The following RBFOX1 variants were observed in gnomAD, a reference collection of about 807,000 sequenced individuals.
The protein encoded by RBFOX1 is RNA binding fox-1 homolog 1, also known as RNA binding protein fox-1 homolog 1.
In RBFOX1, 8 loss-of-function variants were observed where a neutral mutation model predicts 57.7. The observed-to-expected ratio is 0.14, with a 90% CI of 0.08 to 0.25. The LOEUF (loss-of-function observed/expected upper bound fraction) is 0.25, where lower values mean the gene tolerates loss of function less well. Ranked by LOEUF, RBFOX1 falls within the 10% of genes least tolerant of loss-of-function variation. RBFOX1 has a pLI of 1.00. For synonymous variants in RBFOX1, 326 were observed against 222.4 expected, an observed-to-expected ratio of 1.47 and a Z score of -4.15; for missense variants, 611 against 548.5, an observed-to-expected ratio of 1.11 and a Z score of -1.14.
intron 2 of RBFOX1, among the ~76,000 whole-genome samples, chr16:6,531,835 A>G (rs1250076695): frequency 6.6e-6 from 1 of 152,240 alleles, no homozygotes; most frequent in East Asian, 1.9e-4. Flanking sequence ...AGTTAATTAC[A>G]GGGACAGTCT....
At chr16:7,638,794 C>T (rs1199190263) in intron 11 of RBFOX1, among the ~76,000 whole-genome samples, 2 of 152,018 alleles carry the variant, frequency 1.3e-5, no homozygotes, top group African/African-American at 2.4e-5. Context: ...ACTTTATTTA[C>T]AAAAATGGTC....
intron 3 of RBFOX1, among the ~76,000 whole-genome samples, chr16:6,948,358 C>G (rs1290016911): frequency 7.3e-6 from 1 of 136,764 alleles, no homozygotes; most frequent in Non-Finnish European, 1.6e-5. Context: ...GCTACATGTC[C>G]TTTTCTTTCT....
chr16:5,330,128 A>G (rs1596539669), intron 1 of RBFOX1, among the ~76,000 whole-genome samples: 1 of 152,164 alleles, frequency 6.6e-6, no homozygotes, highest in Admixed American at 6.5e-5. Flanking sequence ...ATTATTTCCT[A>G]GGGGCCACAC....
In RBFOX1 at chr16:6,212,268, G is replaced by C. The variant is rs552306194; in HGVS notation, c.-126-104727G>C. ...AGTTGTATAATAGTATATATACTAT[G>C]ATTACTTTTATGTAAAAGAATTGTA... is the stretch of plus-strand genomic sequence containing the variant. On this transcript the variant is annotated intron_variant, in intron 1 of 15. Transcript: ENST00000550418. 4.5e-3 allele frequency among the ~76,000 whole-genome samples: 680 copies of C among 152,212 alleles called. 3 individuals carry two copies. The highest frequency in any genetic ancestry group is 7.2e-3 in the Non-Finnish European group (492 of 68,008).
intron 3 of RBFOX1, among the ~76,000 whole-genome samples, chr16:6,850,789 C>G (rs1012030946): frequency 2.0e-5 from 3 of 152,150 alleles, no homozygotes; most frequent in Non-Finnish European, 2.9e-5. Context: ...TGTCAAATGA[C>G]TTAATCACTT....
At chr16:6,924,724 A>G (rs2075204365) in intron 3 of RBFOX1, among the ~76,000 whole-genome samples, 1 of 151,682 alleles carries the variant, frequency 6.6e-6, no homozygotes, top group Admixed American at 6.6e-5. Context: ...GTACATGTGC[A>G]CAACGTGCAG....
chr16:5,463,733 G>A (rs903644849), intron 1 of RBFOX1, among the ~76,000 whole-genome samples: 2 of 151,432 alleles, frequency 1.3e-5, no homozygotes, highest in African/African-American at 4.9e-5. Flanking sequence ...CCAGGAGATG[G>A]AGGTTGCAGT....
intron 2 of RBFOX1, among the ~76,000 whole-genome samples, chr16:5,506,877 C>T (rs764681275): frequency 6.6e-6 from 1 of 152,140 alleles, no homozygotes; most frequent in Non-Finnish European, 1.5e-5. Flanking sequence ...TTTTGATACC[C>T]TCCATTTGCA....
At chr16:6,950,815 A>C (rs1263804119) in intron 3 of RBFOX1, among the ~76,000 whole-genome samples, 3 of 152,046 alleles carry the variant, frequency 2.0e-5, no homozygotes, top group Non-Finnish European at 4.4e-5. Context: ...ATGCTAAAGG[A>C]CTACATTTCC....
chr16:7,234,010 A>G (rs374244308), intron 4 of RBFOX1, among the ~76,000 whole-genome samples: 4 of 152,326 alleles, frequency 2.6e-5, no homozygotes, highest in African/African-American at 9.6e-5. Context: ...TTTCATTTTC[A>G]GCAAAACTGA....
chr16:6,900,181 G>A lies in RBFOX1; in HGVS notation c.-15-151876G>A, dbSNP rs980974754. On this transcript the variant is annotated intron_variant, in intron 3 of 15. Coordinates refer to ENST00000550418, the MANE Select transcript of RBFOX1 (RefSeq NM_018723.4). ...GGTATTGTTCATGTTCTTATGCTGAGCCTGTGTGGTGAATTGGAATGTATC... is the reference window on the plus strand; with the variant it reads ...GGTATTGTTCATGTTCTTATGCTGAACCTGTGTGGTGAATTGGAATGTATC... Among the ~76,000 whole-genome samples, 8 of 152,246 alleles carry A rather than the reference G, an allele frequency of 5.3e-5. No homozygotes were observed. In the East Asian group the frequency reaches 1.5e-3, roughly 29 times the overall value.
intron 4 of RBFOX1, among the ~76,000 whole-genome samples, chr16:5,923,599 T>C (rs750459527): frequency 2.1e-5 from 3 of 144,308 alleles, no homozygotes; most frequent in Non-Finnish European, 4.5e-5. Context: ...TCGAATGCAG[T>C]GGTGCGATCT....
chr16:7,710,951 A>G lies in RBFOX1; in HGVS notation c.*206A>G, dbSNP rs1177786571. 1.7e-6 allele frequency: 1 copy of G among 587,380 alleles called. No homozygotes were observed. Among genetic ancestry groups the G allele is most frequent in the Admixed American group, 4.3e-5 (1 of 23,506 alleles). The allele number at this position is 587,380 out of a possible 1,614,324, so 36.4% of individuals were successfully genotyped here. ...TAATATTGTGGGTCTTTAATTTCTG[A>G]AGGTTCCGTAGTTTGGTTGCTGGCT... On this transcript the variant is annotated 3_prime_UTR_variant, in exon 16 of 16. Coordinates refer to ENST00000550418, the MANE Select transcript of RBFOX1 (RefSeq NM_018723.4).
chr16:6,956,054 G>T (rs983846615), intron 3 of RBFOX1, among the ~76,000 whole-genome samples: 2 of 152,226 alleles, frequency 1.3e-5, no homozygotes, highest in East Asian at 3.9e-4. Flanking sequence ...GATTAAGTGA[G>T]TTATCTTCCC....
chr16:5,403,538 G>A (rs1477513627), intron 1 of RBFOX1, among the ~76,000 whole-genome samples: 2 of 152,032 alleles, frequency 1.3e-5, no homozygotes, highest in Non-Finnish European at 2.9e-5. Flanking sequence ...CCTCTTTCTG[G>A]GGTTTAAGGA....
At chr16:5,299,095 T>C (rs1212671651) in intron 1 of RBFOX1, among the ~76,000 whole-genome samples, 2 of 150,972 alleles carry the variant, frequency 1.3e-5, no homozygotes, top group East Asian at 1.9e-4. Flanking sequence ...CCCTGTCGCC[T>C]TCCAGGGGCA....
chr16:7,176,214 A>G (rs542759834), intron 4 of RBFOX1, among the ~76,000 whole-genome samples: 1 of 104,840 alleles, frequency 9.5e-6, no homozygotes, highest in South Asian at 3.5e-4. Context: ...GTAAAATGAG[A>G]TTAATAATAA....
chr16:6,234,202 G>C (rs74005004), intron 1 of RBFOX1, among the ~76,000 whole-genome samples: 52 of 152,242 alleles, frequency 3.4e-4, no homozygotes, highest in East Asian at 2.3e-3. Context: ...CCTTCACCAC[G>C]CACTTGTTTA....
At chr16:7,627,686 CACTT>C (rs2060289657) in intron 10 of RBFOX1, among the ~76,000 whole-genome samples, 1 of 152,114 alleles carries the variant, frequency 6.6e-6, no homozygotes, top group African/African-American at 2.4e-5. Flanking sequence ...AAAACAAACA[CACTT>C]ACCTTTCCCT....
Sources: gnomAD v4.1 joint callset for allele counts (sites outside exome capture counted in the v4.1 genomes callset) on GRCh38, gnomAD v4.1.1 for gene constraint, MANE v1.5 for transcripts, NCBI Gene and HGNC (gene_info 2026-07-23, HGNC 2026-07-21) for gene names.